Variants in BCOR observed in about 807,000 individuals in gnomAD.
BCOR encodes the protein BCL6 corepressor.
In BCOR, 10 loss-of-function variants were observed where a neutral mutation model predicts 86.7. That is an observed-to-expected ratio of 0.12 (90% CI 0.07 to 0.20). The LOEUF (loss-of-function observed/expected upper bound fraction) is 0.20, where lower values mean the gene tolerates loss of function less well. Ranked by LOEUF, BCOR falls within the 10% of genes least tolerant of loss-of-function variation. The pLI is 1.00. For synonymous variants in BCOR, 611 were observed against 609.0 expected, an observed-to-expected ratio of 1.00 and a Z score of -0.05; for missense variants, 1,259 against 1,452.1, an observed-to-expected ratio of 0.87 and a Z score of 2.16.
At chrX:40,117,272 G>A (rs1937410448) in intron 1 of BCOR, among the ~76,000 whole-genome samples, 1 of 111,530 alleles carries the variant, frequency 9.0e-6, no homozygotes, top group Non-Finnish European at 1.9e-5. Flanking sequence ...CCAGGTGTCA[G>A]ATCGCACTGG....
intron 6 of BCOR, 141 bp downstream of exon 6, chrX:40,070,830 TCA>T: frequency 1.8e-6 from 1 of 570,393 alleles, no homozygotes; most frequent in Non-Finnish European, 3.0e-6. Flanking sequence ...AAACTATCTT[TCA>T]CAGACGCCTC....
intron 1 of BCOR, among the ~76,000 whole-genome samples, chrX:40,155,008 C>G (rs1340287306): frequency 9.0e-6 from 1 of 110,916 alleles, no homozygotes; most frequent in Non-Finnish European, 1.9e-5. Context: ...TCCGCCTGCC[C>G]GAGCGCCCGC....
At chrX:40,154,259 T>G (rs1288092317) in intron 1 of BCOR, among the ~76,000 whole-genome samples, 48 of 14,258 alleles carry the variant, frequency 3.4e-3, no homozygotes, top group Non-Finnish European at 7.1e-3. Context: ...CCTCGCCCCC[T>G]CCCCTCCCCA....
intron 1 of BCOR, among the ~76,000 whole-genome samples, chrX:40,081,246 C>T (rs1936094621): frequency 9.0e-6 from 1 of 111,705 alleles, no homozygotes; most frequent in African/African-American, 3.3e-5. Context: ...AAGCAGGGAC[C>T]TCCTTTGCAA....
intron 1 of BCOR, among the ~76,000 whole-genome samples, chrX:40,081,778 C>T (rs951538284): frequency 3.6e-5 from 4 of 112,229 alleles, no homozygotes; most frequent in African/African-American, 1.3e-4. Context: ...GGTAAAGGTG[C>T]TGGATAGGGA....
chrX:40,160,111 CTT>C (rs748741460), intron 1 of BCOR, among the ~76,000 whole-genome samples: 2 of 104,608 alleles, frequency 1.9e-5, no homozygotes, highest in African/African-American at 3.5e-5. Flanking sequence ...ACATGGATTA[CTT>C]TTTTTTTTTT....
At position 40,097,595 on chromosome X, in the gene BCOR, C is replaced by G. The variant is rs1354651267; in HGVS notation, c.-421G>C. Among the ~76,000 whole-genome samples the G allele has an allele frequency of 3.6e-5, 4 of 111,538 alleles. No individual in the cohort carries two copies. Among genetic ancestry groups the G allele is most frequent in the Admixed American group, 1.9e-4 (2 of 10,777 alleles). On this transcript the variant is annotated 5_prime_UTR_variant, in exon 1 of 15. Transcript: ENST00000378444. Reference sequence around the variant, plus strand: ...GGTGGCGACAGCCCCGTGCGATCCTCCGGGCTCCCGCAGCTGGACTGGGCT... The same window carrying G: ...GGTGGCGACAGCCCCGTGCGATCCTGCGGGCTCCCGCAGCTGGACTGGGCT...
At chrX:40,070,623 GGAC>G (rs1935429478) in intron 6 of BCOR, among the ~76,000 whole-genome samples, 1 of 111,574 alleles carries the variant, frequency 9.0e-6, no homozygotes, top group Non-Finnish European at 1.9e-5. Context: ...GAGAATATAA[GGAC>G]TCTTCATTCC....
At position 40,052,205 on chromosome X, in the gene BCOR, T is replaced by G. The variant is rs1934331296; in HGVS notation, c.5172A>C (p.Leu1724Phe). 1 of 1,209,923 alleles carries G rather than the reference T, an allele frequency of 8.3e-7. No homozygotes were observed. Among genetic ancestry groups the G allele is most frequent in the Admixed American group, 2.2e-5 (1 of 45,769 alleles). ...EAFNPESKEL[L>F]DLVEFTNEIQ... ...TTTCGTTCGTGAATTCCACCAGATCTAACAGCTCCTTACTTTCAGGGTTGA... is the reference window on the plus strand; with the variant it reads ...TTTCGTTCGTGAATTCCACCAGATCGAACAGCTCCTTACTTTCAGGGTTGA... Residue 1724 changes from leucine to phenylalanine, a missense_variant, in exon 15 of 15, where the codon TTA becomes TTC. By Grantham distance (22) the Leu-to-Phe change is conservative. Transcript: ENST00000378444.
rs780396086 is a variant in BCOR, at chrX:40,074,387, G to A, written c.959C>T (p.Ala320Val). The change falls in exon 4 of 15, where the codon GCG becomes GTG. Residue 320 changes from alanine to valine, a missense_variant. Ala to Val is a moderately conservative substitution (Grantham distance 64, BLOSUM62 0). Coordinates refer to ENST00000378444, the MANE Select transcript of BCOR (RefSeq NM_001123385.2). The stretch of plus-strand genomic sequence containing the variant: ...GTCCCCCGGCAGGCCACTGGTGACC[G>A]CCTTGGCAGAGGGAACCCTGGGCTG... Reference protein sequence around the residue: ...SKQPRVPSAKAVTSGLPGDTA... With the variant: ...SKQPRVPSAKVVTSGLPGDTA... 11 of 1,209,472 alleles carry A rather than the reference G, an allele frequency of 9.1e-6. No homozygotes were observed. Among genetic ancestry groups the A allele is most frequent in the Middle Eastern group, 2.3e-4 (1 of 4,372 alleles).
At chrX:40,069,955 G>A (rs1248944445) in intron 6 of BCOR, among the ~76,000 whole-genome samples, 1 of 112,219 alleles carries the variant, frequency 8.9e-6, no homozygotes, top group Non-Finnish European at 1.9e-5. Context: ...ATCCTGGCAG[G>A]TGGCCTTAGT....
At position 40,074,312 on chromosome X, in the gene BCOR, A is replaced by T. The variant is rs927300379; in HGVS notation, c.1034T>A (p.Leu345His). The T allele has an allele frequency of 1.2e-5, 14 of 1,210,658 alleles. No homozygotes were observed. The highest frequency in any genetic ancestry group is 1.2e-5 in the Non-Finnish European group (11 of 895,365). The change falls in exon 4 of 15, where the codon CTT (leucine) becomes CAT (histidine). Residue 345 changes from leucine to histidine, a missense_variant. By Grantham distance (99) the Leu-to-His change is moderately conservative. Coordinates refer to ENST00000378444, the MANE Select transcript of BCOR (RefSeq NM_001123385.2). ...GGTGTCTGCAGCAGGCTGGGTGGGA[A>T]GGTGGACTCGGGGTGACGGCCGAGG... ...PSPRPSPRVH[L>H]PTQPAADTYS...
intron 1 of BCOR, among the ~76,000 whole-genome samples, chrX:40,130,581 G>T (rs1480025222): frequency 8.9e-6 from 1 of 112,361 alleles, no homozygotes; most frequent in Non-Finnish European, 1.9e-5. Context: ...GGCAGCTGCT[G>T]CATGTGAGGC....
In BCOR at chrX:40,064,063, T is replaced by A; in HGVS notation, c.3503-111A>T. ...GGGGGGTGTGGTCACTGGTCTCTGC[T>A]TTTGGGAAGGGGCCTAATCATCTTT... is the stretch of plus-strand genomic sequence containing the variant. On this transcript the variant is annotated intron_variant, in intron 7 of 14. Transcript: ENST00000378444. The A allele has an allele frequency of 1.1e-5, 7 of 657,354 alleles. 1 individual carries two copies. In the South Asian group the frequency reaches 2.0e-4, roughly 19 times the overall value. The allele number at this position is 657,354 out of a possible 1,213,427, so 54.2% of individuals were successfully genotyped here.
At position 40,110,667 on chromosome X, in the gene BCOR, C is replaced by CTTTTTTTTTTTTTTTTTTTTTTTTTTTTT. The variant is rs546960508; in HGVS notation, c.-40-32727_-40-32699dup. ...TTCTTTTTTTTCTTTTTTCCTTTTT[C>CTTTTTTTTTTTTTTTTTTTTTTTTTTTTT]TTTTTTTTTTTTTTTTTTTTTTTTT... On this transcript the variant is annotated intron_variant, in intron 1 of 14. Coordinates refer to the BCOR transcript ENST00000342274. Among the ~76,000 whole-genome samples, 14 of 29,551 alleles carry CTTTTTTTTTTTTTTTTTTTTTTTTTTTTT rather than the reference C, an allele frequency of 4.7e-4. 5 individuals are homozygous for CTTTTTTTTTTTTTTTTTTTTTTTTTTTTT. Among genetic ancestry groups the CTTTTTTTTTTTTTTTTTTTTTTTTTTTTT allele is most frequent in the Admixed American group, 1.4e-3 (3 of 2,185 alleles). The allele number at this position is 29,551 out of a possible 115,157, so 25.7% of individuals were successfully genotyped here.
chrX:40,158,151 C>G (rs1490738955), intron 1 of BCOR, among the ~76,000 whole-genome samples: 1 of 112,372 alleles, frequency 8.9e-6, no homozygotes, highest in East Asian at 2.8e-4. Flanking sequence ...CGATCCCAGC[C>G]GGGGCCCGTC....
At position 40,052,510 on chromosome X, in the gene BCOR, C is replaced by G. The variant is rs770380308; in HGVS notation, c.4977-110G>C. 4 of 615,018 alleles carry G rather than the reference C, an allele frequency of 6.5e-6. No individual in the cohort carries two copies. The East Asian group carries it at 1.5e-4, about 23-fold the overall frequency. The allele number at this position is 615,018 out of a possible 1,213,427, so 50.7% of individuals were successfully genotyped here. On this transcript the variant is annotated intron_variant, in intron 14 of 14. Coordinates refer to ENST00000378444, the MANE Select transcript of BCOR (RefSeq NM_001123385.2). ...GGACCAGCCTCTATGTCCTTTCATTCTGCTCCCACCCCTCATTTCTCACCA... is the reference window on the plus strand; with the variant it reads ...GGACCAGCCTCTATGTCCTTTCATTGTGCTCCCACCCCTCATTTCTCACCA...
chrX:40,076,399 A>T, intron 3 of BCOR, 55 bp downstream of exon 3: 1 of 948,584 alleles, frequency 1.1e-6, no homozygotes, highest in Non-Finnish European at 1.5e-6. Flanking sequence ...AATACGATTG[A>T]TTACAGATCA....
intron 8 of BCOR, 115 bp downstream of exon 8, chrX:40,063,493 G>A (rs763500901): frequency 1.5e-5 from 9 of 605,960 alleles, no homozygotes; most frequent in Non-Finnish European, 2.4e-5. Context: ...CCACATCTTC[G>A]TTGAAGTCAA....
Sources: gnomAD v4.1 joint callset for allele counts (sites outside exome capture counted in the v4.1 genomes callset) on GRCh38, gnomAD v4.1.1 for gene constraint, MANE v1.5 for transcripts, NCBI Gene and HGNC (gene_info 2026-07-23, HGNC 2026-07-21) for gene names.